FBXO36: variants seen among roughly 807,000 people sequenced by gnomAD.
The protein encoded by FBXO36 is F-box protein 36, also known as F-box only protein 36.
A neutral mutation model predicts 17.0 loss-of-function variants in FBXO36; 18 were observed. That is an observed-to-expected ratio of 1.06 (90% CI 0.73 to 1.57). The LOEUF is 1.57. Ranked by LOEUF, FBXO36 falls within the 40% of genes most tolerant of loss-of-function variation. The pLI is 0.00. For synonymous variants in FBXO36, 83 were observed against 85.3 expected (o/e 0.97, Z 0.15); for missense variants, 229 against 221.9 (o/e 1.03, Z -0.20).
chr2:229,993,731 T>A (rs758831989), intron 2 of FBXO36, among the ~76,000 whole-genome samples: 11 of 152,202 alleles, frequency 7.2e-5, no homozygotes, highest in Non-Finnish European at 1.5e-4. Flanking sequence ...ATTTCATACC[T>A]AGCTGTACAT....
chr2:230,012,979 TATA>T lies in FBXO36; in HGVS notation c.*2102_*2104del, dbSNP rs2077423311. The T allele has an allele frequency of 6.6e-6, 1 of 150,986 alleles. No individual in the cohort carries two copies. The highest frequency in any genetic ancestry group is 1.9e-4 in the East Asian group (1 of 5,180). The allele number at this position is 150,986 out of a possible 1,614,324, so 9.4% of individuals were successfully genotyped here. On this transcript the variant is annotated 3_prime_UTR_variant, in exon 4 of 4. Coordinates refer to ENST00000283946, the MANE Select transcript of FBXO36 (RefSeq NM_174899.5). ...TTACGATATATACTTATATGTAGTA[TATA>T]ATAATATTACATATAAAAATGTTAT...
At chr2:229,948,040 A>G (rs771658840) in intron 1 of FBXO36, among the ~76,000 whole-genome samples, 12 of 152,128 alleles carry the variant, frequency 7.9e-5, no homozygotes, top group African/African-American at 4.8e-5. Context: ...GGCTCACGCC[A>G]TTAATCCCAG....
chr2:229,966,860 G>A (rs2077156052), intron 1 of FBXO36, among the ~76,000 whole-genome samples: 1 of 152,178 alleles, frequency 6.6e-6, no homozygotes, highest in South Asian at 2.1e-4. Flanking sequence ...ACTTGGCAAT[G>A]TGAGCTCTTT....
intron 1 of FBXO36, among the ~76,000 whole-genome samples, chr2:229,958,718 G>A (rs1197004690): frequency 1.3e-5 from 2 of 152,160 alleles, no homozygotes; most frequent in Non-Finnish European, 2.9e-5. Context: ...GATGTCTCAC[G>A]GTGTCCCGCT....
chr2:229,984,282 A>C (rs1351660057), intron 2 of FBXO36, among the ~76,000 whole-genome samples: 1 of 151,884 alleles, frequency 6.6e-6, no homozygotes, highest in Non-Finnish European at 1.5e-5. Context: ...CTGGAGGTGG[A>C]GGTTGCAGTG....
chr2:229,967,075 C>T (rs1320812679), intron 1 of FBXO36, among the ~76,000 whole-genome samples: 1 of 152,240 alleles, frequency 6.6e-6, no homozygotes, highest in East Asian at 1.9e-4. Flanking sequence ...TGTAGTTCTC[C>T]TTGAAGAGGT....
intron 1 of FBXO36, among the ~76,000 whole-genome samples, chr2:229,954,604 G>A (rs1220373458): frequency 1.3e-4 from 17 of 131,676 alleles, no homozygotes; most frequent in Non-Finnish European, 2.4e-4. Flanking sequence ...CTGGAGTGCA[G>A]TGGCGCGATC....
At chr2:229,951,103 T>G (rs905271521) in intron 1 of FBXO36, among the ~76,000 whole-genome samples, 15 of 150,836 alleles carry the variant, frequency 9.9e-5, no homozygotes, top group Non-Finnish European at 1.6e-4. Flanking sequence ...CCGGCTAATT[T>G]TTTGTATTTT....
At chr2:229,995,562 CT>C (rs1560454237) in intron 2 of FBXO36, among the ~76,000 whole-genome samples, 1 of 68,586 alleles carries the variant, frequency 1.5e-5, no homozygotes, top group African/African-American at 3.6e-5. Context: ...TCTTTCCTTC[CT>C]TTCTTTCTTT....
intron 1 of FBXO36, among the ~76,000 whole-genome samples, chr2:229,961,379 TA>T (rs1176008836): frequency 6.6e-6 from 1 of 152,162 alleles, no homozygotes; most frequent in Non-Finnish European, 1.5e-5. Flanking sequence ...TATTTTATTT[TA>T]TTTTTTTCAT....
intron 2 of FBXO36, among the ~76,000 whole-genome samples, chr2:229,979,424 T>G (rs2077226699): frequency 6.6e-6 from 1 of 151,806 alleles, no homozygotes; most frequent in African/African-American, 2.4e-5. Context: ...ATGTGATAGT[T>G]TGTTGTTGTT....
At chr2:229,998,011 T>TG (rs1336560078) in intron 3 of FBXO36, among the ~76,000 whole-genome samples, 14 of 152,290 alleles carry the variant, frequency 9.2e-5, no homozygotes, top group South Asian at 2.1e-4. Context: ...ATCTGTTGCT[T>TG]GCAACTGAGG....
chr2:229,984,857 T>C (rs1299202666), intron 2 of FBXO36, among the ~76,000 whole-genome samples: 1 of 152,204 alleles, frequency 6.6e-6, no homozygotes, highest in Non-Finnish European at 1.5e-5. Context: ...TTTGCTGTTC[T>C]CACTGAAGCC....
At chr2:229,983,029 C>A (rs901429827) in intron 2 of FBXO36, among the ~76,000 whole-genome samples, 2 of 152,082 alleles carry the variant, frequency 1.3e-5, no homozygotes, top group African/African-American at 4.8e-5. Flanking sequence ...GTTGCCCAGG[C>A]TGGAGTGCAG....
intron 2 of FBXO36, among the ~76,000 whole-genome samples, chr2:229,984,343 T>C (rs2077256078): frequency 6.6e-6 from 1 of 151,142 alleles, no homozygotes; most frequent in African/African-American, 2.4e-5. Flanking sequence ...CAAGACTCTA[T>C]CTCAAAAACA....
At chr2:229,975,438 C>T (rs1197886616) in intron 1 of FBXO36, among the ~76,000 whole-genome samples, 11 of 151,440 alleles carry the variant, frequency 7.3e-5, no homozygotes, top group African/African-American at 1.7e-4. Context: ...CATTTGGCTC[C>T]GGGTGATTTT....
intron 2 of FBXO36, among the ~76,000 whole-genome samples, chr2:229,982,440 C>T (rs1388853346): frequency 1.3e-5 from 2 of 152,108 alleles, no homozygotes; most frequent in African/African-American, 2.4e-5. Context: ...CTCCTGCCTT[C>T]GTCTTTCCCT....
At chr2:229,955,152 C>T (rs1465029013) in intron 1 of FBXO36, among the ~76,000 whole-genome samples, 2 of 152,056 alleles carry the variant, frequency 1.3e-5, no homozygotes, top group East Asian at 1.9e-4. Flanking sequence ...GCGCCCAGCC[C>T]GATCACCCTA....
At position 230,012,792 on chromosome 2, in the gene FBXO36, T is replaced by C. The variant is rs1383865194; in HGVS notation, c.*1908T>C. ...ATGTAACTGTAACTTATTGGTAACA[T>C]CAGTGCAAGATGATTAAAGCTTCAT... On this transcript the variant is annotated 3_prime_UTR_variant, in exon 4 of 4. Transcript: ENST00000283946. 2 of 151,714 alleles carry C rather than the reference T, an allele frequency of 1.3e-5. No homozygotes were observed. The highest frequency in any genetic ancestry group is 4.8e-5 in the African/African-American group (2 of 41,406). The allele number at this position is 151,714 out of a possible 1,614,324, so 9.4% of individuals were successfully genotyped here.
Sources: allele counts gnomAD v4.1 joint callset (sites outside exome capture counted in the v4.1 genomes callset), GRCh38; gene constraint gnomAD v4.1.1; transcripts MANE v1.5; gene names NCBI Gene and HGNC (gene_info 2026-07-23, HGNC 2026-07-21).